The following DCP1A variants were observed in gnomAD, a reference collection of about 807,000 sequenced individuals.
DCP1A encodes the protein mRNA-decapping enzyme 1A.
DCP1A carries 20 observed loss-of-function variants against 58.0 expected under a neutral mutation model. The ratio of observed to expected loss-of-function variants is 0.34; its 90% CI spans 0.24 to 0.50. The LOEUF is 0.50. Ranked by LOEUF, DCP1A falls within the 20% of genes least tolerant of loss-of-function variation. DCP1A has a pLI of 0.98. For synonymous variants in DCP1A, 285 were observed against 275.1 expected (o/e 1.04, Z -0.36); for missense variants, 613 against 712.2 (o/e 0.86, Z 1.59).
chr3:53,335,821 T>C (rs2089103983), intron 3 of DCP1A, among the ~76,000 whole-genome samples: 1 of 152,196 alleles, frequency 6.6e-6, no homozygotes, highest in Non-Finnish European at 1.5e-5. Flanking sequence ...TAGCATTTAA[T>C]TCTTTTTTAT....
chr3:53,343,911 G>A (rs1257109787), intron 2 of DCP1A, among the ~76,000 whole-genome samples: 7 of 152,048 alleles, frequency 4.6e-5, no homozygotes, highest in East Asian at 3.9e-4. Context: ...GCACCCGGCC[G>A]ATCCCTTCCT....
intron 3 of DCP1A, among the ~76,000 whole-genome samples, chr3:53,322,625 C>T (rs1708001642): frequency 6.6e-6 from 1 of 151,764 alleles, no homozygotes; most frequent in African/African-American, 2.4e-5. Context: ...TTTTTTCCTA[C>T]CCTGTTTACA....
In DCP1A at chr3:53,334,294, TAAA is replaced by T. The variant is rs781880200; in HGVS notation, c.304+7847_304+7849del. ...AAATAAATAAATAGATAAAAATAATTAAAAATATTAAAACAGTATGTAGGCAAA... is the reference window on the plus strand; with the variant it reads ...AAATAAATAAATAGATAAAAATAATTAATATTAAAACAGTATGTAGGCAAA... On this transcript the variant is annotated intron_variant, in intron 3 of 9. Coordinates refer to ENST00000610213, the MANE Select transcript of DCP1A (RefSeq NM_018403.7). 5.9e-5 allele frequency among the ~76,000 whole-genome samples: 9 copies of T among 152,126 alleles called. No homozygotes were observed. The South Asian group carries it at 6.2e-4, about 11-fold the overall frequency.
rs562048999 is a variant in DCP1A at position 53,339,924 on chromosome 3, C to G, written c.304+2220G>C. Among the ~76,000 whole-genome samples, 8 of 152,118 alleles carry G rather than the reference C, an allele frequency of 5.3e-5. No individual in the cohort carries two copies. In the East Asian group the frequency reaches 1.5e-3, roughly 29 times the overall value. ...TATTCATTTGCAGAATTTCTCCCAC[C>G]CTCTTTTCATTTTTTGAGTCAGGGT... is the stretch of plus-strand genomic sequence containing the variant. On this transcript the variant is annotated intron_variant, in intron 3 of 9. Transcript: ENST00000610213.
At chr3:53,339,358 T>C (rs192123082) in intron 3 of DCP1A, among the ~76,000 whole-genome samples, 30 of 152,334 alleles carry the variant, frequency 2.0e-4, no homozygotes, top group Admixed American at 1.5e-3. Flanking sequence ...GTTGAAAATT[T>C]TCTAAAGTAA....
Position 53,287,518 on chromosome 3 carries a change from C to G in DCP1A, c.*62G>C. 8.8e-7 allele frequency: 1 copy of G among 1,142,728 alleles called. No homozygotes were observed. The highest frequency in any genetic ancestry group is 1.3e-6 in the Non-Finnish European group (1 of 755,950). 70.8% of individuals were successfully genotyped at this position (1,142,728 alleles called of 1,614,324 possible). ...AACTCAATGTTCTGCTCAGAAGTTTCCATGATGAAGCCTATTTGTCTCTGA... is the reference window on the plus strand; with the variant it reads ...AACTCAATGTTCTGCTCAGAAGTTTGCATGATGAAGCCTATTTGTCTCTGA... On this transcript the variant is annotated 3_prime_UTR_variant, in exon 10 of 10. Coordinates refer to ENST00000610213, the MANE Select transcript of DCP1A (RefSeq NM_018403.7).
intron 5 of DCP1A, among the ~76,000 whole-genome samples, chr3:53,309,694 G>A (rs1553688444): frequency 2.0e-5 from 3 of 152,246 alleles, no homozygotes; most frequent in African/African-American, 4.8e-5. Context: ...GAGCCTGGGA[G>A]GTAGAGGCTG....
At chr3:53,319,167 A>G (rs1469539773) in intron 4 of DCP1A, among the ~76,000 whole-genome samples, 1 of 152,226 alleles carries the variant, frequency 6.6e-6, no homozygotes, top group Non-Finnish European at 1.5e-5. Context: ...AATCACACAC[A>G]TCTACTTAAT....
At chr3:53,341,526 CTG>C (rs1559708762) in intron 3 of DCP1A, among the ~76,000 whole-genome samples, 1 of 152,072 alleles carries the variant, frequency 6.6e-6, no homozygotes, top group Non-Finnish European at 1.5e-5. Context: ...TGTTCCCATC[CTG>C]TGTGTCCCAA....
intron 5 of DCP1A, among the ~76,000 whole-genome samples, chr3:53,306,886 T>C (rs1024432218): frequency 1.3e-5 from 2 of 151,722 alleles, no homozygotes; most frequent in Non-Finnish European, 2.9e-5. Context: ...TTTTGCTATT[T>C]TTTTGTAGAG....
chr3:53,292,632 G>C lies in DCP1A; in HGVS notation c.820C>G (p.Leu274Val). Residue 274 changes from leucine (L) to valine (V), a missense_variant, in exon 7 of 10, where the codon CTG becomes GTG. Around this residue, in one of 3 missense-constraint regions of DCP1A, gnomAD observed 498 missense variants for 556.7 expected, o/e 0.89. Transcript: ENST00000610213. Reference protein sequence around the residue: ...QLGGAPQSETLGVPSAAHHSV... With the variant: ...QLGGAPQSETVGVPSAAHHSV... ...TGGTGGGCAGCAGAAGGGACACCCA[G>C]GGTTTCTGATTGAGGGGCTCCTCCT... 1 of 1,613,698 alleles carries C rather than the reference G, an allele frequency of 6.2e-7. No homozygotes were observed. The highest frequency in any genetic ancestry group is 8.5e-7 in the Non-Finnish European group (1 of 1,179,798).
Position 53,298,086 on chromosome 3 carries a change from T to G in DCP1A, c.625-5259A>C, listed in dbSNP as rs548218712. ...TTTAAAAATTAGCTGCACAAGGTGG[T>G]GTGCACCTGTGGTCCTGGCTGCTTG... On this transcript the variant is annotated intron_variant, in intron 6 of 9. Coordinates refer to ENST00000610213, the MANE Select transcript of DCP1A (RefSeq NM_018403.7). Among the ~76,000 whole-genome samples the G allele has an allele frequency of 2.6e-5, 4 of 152,264 alleles. No homozygotes were observed. In the South Asian group the frequency reaches 8.3e-4, roughly 32 times the overall value.
intron 4 of DCP1A, among the ~76,000 whole-genome samples, chr3:53,318,151 A>G (rs1318376523): frequency 1.3e-5 from 2 of 152,014 alleles, no homozygotes; most frequent in African/African-American, 4.8e-5. Flanking sequence ...CCACCCCCCA[A>G]AAAATTAGCT....
chr3:53,335,340 C>G (rs1459161123), intron 3 of DCP1A, among the ~76,000 whole-genome samples: 1 of 149,434 alleles, frequency 6.7e-6, no homozygotes, highest in African/African-American at 2.5e-5. Context: ...GGGGTTTCAC[C>G]ATGTTGGCCA....
At chr3:53,299,384 C>A (rs905983878) in intron 6 of DCP1A, among the ~76,000 whole-genome samples, 1 of 152,152 alleles carries the variant, frequency 6.6e-6, no homozygotes, top group African/African-American at 2.4e-5. Context: ...TCATGTAGAT[C>A]AAGTGTTAGT....
At chr3:53,293,214 T>C (rs1409714484) in intron 6 of DCP1A, among the ~76,000 whole-genome samples, 1 of 152,116 alleles carries the variant, frequency 6.6e-6, no homozygotes, top group Non-Finnish European at 1.5e-5. Context: ...CTGTTCTCAA[T>C]GAAACGCTAG....
At chr3:53,322,065 G>A (rs1388427929) in intron 3 of DCP1A, among the ~76,000 whole-genome samples, 8 of 152,074 alleles carry the variant, frequency 5.3e-5, no homozygotes, top group South Asian at 2.1e-4. Flanking sequence ...GAAAACCACC[G>A]CTTTAAAAGT....
intron 5 of DCP1A, 120 bp from the exon 6 acceptor site, chr3:53,304,410 A>G: frequency 1.5e-6 from 1 of 668,050 alleles, no homozygotes. Flanking sequence ...AGAAAAACCA[A>G]CCTCAAAATG....
At chr3:53,290,047 G>C (rs1394431376) in intron 8 of DCP1A, among the ~76,000 whole-genome samples, 1 of 152,158 alleles carries the variant, frequency 6.6e-6, no homozygotes, top group African/African-American at 2.4e-5. Context: ...TAAACTCCAA[G>C]ATGTAAGACC....
Sources: allele counts gnomAD v4.1 joint callset (sites outside exome capture counted in the v4.1 genomes callset), GRCh38; gene constraint gnomAD v4.1.1; regional missense constraint gnomAD v4.1.1; transcripts MANE v1.5; gene names NCBI Gene and HGNC (gene_info 2026-07-23, HGNC 2026-07-21).